The following AATK variants were observed in gnomAD, a reference collection of about 807,000 sequenced individuals.
The protein encoded by AATK is serine/threonine-protein kinase LMTK1.
In AATK, 91 loss-of-function variants were observed where a neutral mutation model predicts 114.3. That is an observed-to-expected ratio of 0.80 (90% CI 0.67 to 0.95). AATK has a LOEUF of 0.95. AATK is among the 40% of genes least tolerant of loss of function. The pLI, the probability that AATK is intolerant of heterozygous loss-of-function variation, is 0.00. For missense variants in AATK, 2,176 were observed against 1,965.2 expected (o/e 1.11, Z -2.03); for synonymous variants, 1,075 against 916.5 (o/e 1.17, Z -3.12).
At chr17:81,138,811 T>C (rs1364899885) in intron 1 of AATK, among the ~76,000 whole-genome samples, 1 of 140,984 alleles carries the variant, frequency 7.1e-6, no homozygotes, top group Non-Finnish European at 1.5e-5. Flanking sequence ...CACTTGCGCG[T>C]GCACACCCAC....
At chr17:81,124,905 G>GGGC in intron 8 of AATK, 25 bp downstream of exon 8, 7 of 1,502,576 alleles carry the variant, frequency 4.7e-6, no homozygotes, top group African/African-American at 2.8e-5. Context: ...CTCATGCCCA[G>GGGC]CCCAGCCCAC....
rs927224410 is a variant in AATK, at chr17:81,126,757, G to A, written c.622-197C>T. On this transcript the variant is annotated intron_variant, in intron 6 of 13. Coordinates refer to ENST00000326724, the MANE Select transcript of AATK (RefSeq NM_001080395.3). The surrounding 1 kb of genome is among the most constrained non-coding windows in gnomAD (Gnocchi z 5.1). ...GGGCCGTGTCCCCCAGGGCTGGGCT[G>A]GACTGAAGGCTTCCTCTCCACTGCC... The A allele has an allele frequency of 2.1e-5, 30 of 1,403,074 alleles. No individual in the cohort carries two copies. The highest frequency in any genetic ancestry group is 2.7e-5 in the Non-Finnish European group (29 of 1,080,214). The allele number at this position is 1,403,074 out of a possible 1,614,324, so 86.9% of individuals were successfully genotyped here.
At position 81,160,482 on chromosome 17, in the gene AATK, G is replaced by T. The variant is rs550675370; in HGVS notation, c.55+5456C>A. On this transcript the variant is annotated intron_variant, in intron 1 of 13. Coordinates refer to ENST00000326724, the MANE Select transcript of AATK (RefSeq NM_001080395.3). ...CATTTCCTCTGCCGGCTTCCTCTGC[G>T]GGGGGGCGGGGAGGCCAAGGCCGCC... Among the ~76,000 whole-genome samples the T allele has an allele frequency of 9.9e-4, 150 of 152,236 alleles. 2 individuals carry two copies. The South Asian group carries it at 0.03, about 30-fold the overall frequency.
intron 1 of AATK, among the ~76,000 whole-genome samples, chr17:81,163,865 C>T (rs1363732964): frequency 6.6e-6 from 1 of 152,238 alleles, no homozygotes; most frequent in Non-Finnish European, 1.5e-5. Context: ...CAGGGCCTGG[C>T]AACTGAGGTG....
chr17:81,128,997 G>T, intron 3 of AATK: 1 of 902,566 alleles, frequency 1.1e-6, no homozygotes, highest in Non-Finnish European at 1.4e-6. Context: ...CTTTGTTGGG[G>T]GCTGCTTGGC....
intron 1 of AATK, among the ~76,000 whole-genome samples, chr17:81,144,657 G>C (rs1298436535): frequency 6.6e-6 from 1 of 152,226 alleles, no homozygotes; most frequent in Non-Finnish European, 1.5e-5. Context: ...TAAAGCTTCT[G>C]TCTTCATCAA....
At chr17:81,141,955 TCCTTC>T (rs1567820650) in intron 1 of AATK, among the ~76,000 whole-genome samples, 1 of 81,550 alleles carries the variant, frequency 1.2e-5, no homozygotes, top group African/African-American at 3.6e-5. Context: ...TTCCTTCCTT[TCCTTC>T]CTTCCTTCCT....
At chr17:81,134,863 C>T (rs1034243845) in intron 1 of AATK, among the ~76,000 whole-genome samples, 1 of 152,242 alleles carries the variant, frequency 6.6e-6, no homozygotes, top group East Asian at 1.9e-4. Context: ...CACCTTGCCC[C>T]TCTGGGGCTG....
chr17:81,131,964 G>T, intron 2 of AATK: 1 of 1,331,378 alleles, frequency 7.5e-7, no homozygotes, highest in South Asian at 1.2e-5. Flanking sequence ...CACCTCCGGA[G>T]CTCCCAGAAC....
rs1209724577 is a variant in AATK at position 81,122,077 on chromosome 17, G to A, written c.1859C>T (p.Ala620Val). 7 of 1,584,848 alleles carry A rather than the reference G, an allele frequency of 4.4e-6. No individual in the cohort carries two copies. The highest frequency in any genetic ancestry group is 2.7e-5 in the African/African-American group (2 of 74,586). Residue 620 changes from alanine (A) to valine (V), a missense_variant, in exon 11 of 14, where the codon GCG becomes GTG. Coordinates refer to ENST00000326724, the MANE Select transcript of AATK (RefSeq NM_001080395.3). ...GTCTGCATCCTCCGCTCCTCCCTCC[G>A]CCAGACTCAGGGGCCCCGCCGAGGG... ...PSPSAGPLSL[A>V]EGGAEDADWG...
At chr17:81,118,883 T>TGGGCAGAGGCTGTAGGGGTAGGGACACC (rs1324181637) in intron 13 of AATK, among the ~76,000 whole-genome samples, 32 of 152,226 alleles carry the variant, frequency 2.1e-4, no homozygotes, top group African/African-American at 7.7e-4. Context: ...GTCAGGCACG[T>TGGGCAGAGGCTGTAGGGGTAGGGACACC]GGGCAGAGGC....
chr17:81,124,240 C>T (rs1313290625), intron 9 of AATK, among the ~76,000 whole-genome samples: 4 of 130,132 alleles, frequency 3.1e-5, no homozygotes, highest in Admixed American at 7.5e-5. Context: ...ACTCCCCTGG[C>T]GGCTCGGCCC....
Position 81,127,689 on chromosome 17 carries a change from G to A in AATK, c.534-19C>T, listed in dbSNP as rs781462717. ...CAGGGCCCTGCGGGAGTGGACAGGCGGCCCCTGACTTGGGAGGAGGTGGGG... is the reference window on the plus strand; with the variant it reads ...CAGGGCCCTGCGGGAGTGGACAGGCAGCCCCTGACTTGGGAGGAGGTGGGG... On this transcript the variant is annotated intron_variant, in intron 5 of 13. Coordinates refer to ENST00000326724, the MANE Select transcript of AATK (RefSeq NM_001080395.3). 2.7e-5 allele frequency: 43 copies of A among 1,567,556 alleles called. No individual in the cohort carries two copies. Among genetic ancestry groups the A allele is most frequent in the African/African-American group, 2.4e-4 (18 of 73,792 alleles).
At chr17:81,161,389 G>A (rs1019289289) in intron 1 of AATK, among the ~76,000 whole-genome samples, 1 of 152,168 alleles carries the variant, frequency 6.6e-6, no homozygotes, top group Non-Finnish European at 1.5e-5. Flanking sequence ...TGGATTCAGG[G>A]CCCACCCTAC....
intron 1 of AATK, among the ~76,000 whole-genome samples, chr17:81,157,544 T>C (rs977147727): frequency 6.6e-6 from 1 of 151,920 alleles, no homozygotes; most frequent in Non-Finnish European, 1.5e-5. Flanking sequence ...CTCCTGCCCC[T>C]CGACAGCCAA....
intron 1 of AATK, among the ~76,000 whole-genome samples, chr17:81,161,657 G>A (rs1327522533): frequency 6.6e-6 from 1 of 152,148 alleles, no homozygotes; most frequent in South Asian, 2.1e-4. Flanking sequence ...TGGAGCGTGG[G>A]TGCTGCCGGA....
intron 13 of AATK, among the ~76,000 whole-genome samples, chr17:81,118,948 G>A (rs1242593207): frequency 6.6e-6 from 1 of 152,228 alleles, no homozygotes; most frequent in African/African-American, 2.4e-5. Context: ...GGGGCGGATA[G>A]TGGAGGGCCA....
intron 1 of AATK, among the ~76,000 whole-genome samples, chr17:81,160,710 C>T (rs1170596332): frequency 6.6e-6 from 1 of 152,242 alleles, no homozygotes; most frequent in Non-Finnish European, 1.5e-5. Context: ...CATCAGGCTC[C>T]CACCCAGGAG....
chr17:81,147,245 C>A (rs2061233965), intron 1 of AATK, among the ~76,000 whole-genome samples: 1 of 151,418 alleles, frequency 6.6e-6, no homozygotes, highest in Admixed American at 6.6e-5. Flanking sequence ...CCTGTAGTCC[C>A]AGCTACTCGG....
Sources: gnomAD v4.1 joint callset for allele counts (sites outside exome capture counted in the v4.1 genomes callset) on GRCh38, gnomAD v4.1.1 for gene constraint, Gnocchi (gnomAD v3.1) non-coding constraint, MANE v1.5 for transcripts, NCBI Gene and HGNC (gene_info 2026-07-23, HGNC 2026-07-21) for gene names.